Variants in ATP9B observed in about 807,000 individuals in gnomAD.
ATP9B encodes probable phospholipid-transporting ATPase IIB.
A neutral mutation model predicts 146.1 loss-of-function variants in ATP9B; 110 were observed. The observed-to-expected ratio is 0.75, with a 90% CI of 0.65 to 0.88. The LOEUF (loss-of-function observed/expected upper bound fraction) is 0.88, where lower values mean the gene tolerates loss of function less well. ATP9B is among the 40% of genes least tolerant of loss of function. The probability of loss-of-function intolerance (pLI) is 0.00; values close to 1 mark genes in which losing one functional copy is unlikely to be tolerated. For missense variants in ATP9B, 1,499 were observed against 1,496.4 expected, an observed-to-expected ratio of 1.00 and a Z score of -0.03; for synonymous variants, 604 against 569.7, an observed-to-expected ratio of 1.06 and a Z score of -0.86.
At chr18:79,075,055 T>C (rs1384179211) in intron 1 of ATP9B, among the ~76,000 whole-genome samples, 2 of 152,078 alleles carry the variant, frequency 1.3e-5, no homozygotes, top group Non-Finnish European at 2.9e-5. Context: ...TCATCTTCCC[T>C]TGTGACTTTG....
At chr18:79,284,436 A>G (rs1169622389) in intron 13 of ATP9B, among the ~76,000 whole-genome samples, 1 of 152,180 alleles carries the variant, frequency 6.6e-6, no homozygotes, top group Non-Finnish European at 1.5e-5. Context: ...AGAAAGCCTG[A>G]TTTGCAGAGA....
intron 13 of ATP9B, among the ~76,000 whole-genome samples, chr18:79,290,311 T>C (rs955126402): frequency 2.6e-4 from 39 of 152,324 alleles, no homozygotes; most frequent in Admixed American, 7.2e-4. Context: ...TAAGCAAGCC[T>C]GGGCAATGGC....
In ATP9B at chr18:79,267,871, T is replaced by C. The variant is rs539858022; in HGVS notation, c.1269-9183T>C. ...CATCTGTGTGATCAGATCTAGATTC[T>C]TAATCTTGTTTTTCAGTTTCTGTCT... On this transcript the variant is annotated intron_variant, in intron 12 of 29. Transcript: ENST00000426216. Among the ~76,000 whole-genome samples, 7 of 152,246 alleles carry C rather than the reference T, an allele frequency of 4.6e-5. 1 individual carries two copies. The highest frequency in any genetic ancestry group is 1.7e-4 in the African/African-American group (7 of 41,582).
chr18:79,134,369 G>A (rs1331917789), intron 5 of ATP9B, among the ~76,000 whole-genome samples: 1 of 152,124 alleles, frequency 6.6e-6, no homozygotes, highest in Non-Finnish European at 1.5e-5. Context: ...CATGGCACCT[G>A]TACCTCCCTG....
rs893383638 is a variant in ATP9B at position 79,336,513 on chromosome 18, G to A, written c.2029-115G>A. On this transcript the variant is annotated intron_variant, in intron 17 of 29. Transcript: ENST00000426216. ...GTCTCTGGCCTTGGTGATGAAGGTG[G>A]GCACAGGACATGAGGGCAGGGCACC... is the stretch of plus-strand genomic sequence containing the variant. 19 of 855,118 alleles carry A rather than the reference G, an allele frequency of 2.2e-5. 1 individual carries two copies. Among genetic ancestry groups the A allele is most frequent in the Admixed American group, 1.3e-4 (6 of 45,538 alleles). The allele number at this position is 855,118 out of a possible 1,614,324, so 53.0% of individuals were successfully genotyped here. A position where few individuals can be genotyped will look rare whatever the true frequency, so the allele number is the denominator to read the frequency against.
intron 12 of ATP9B, among the ~76,000 whole-genome samples, chr18:79,266,514 A>G (rs950864064): frequency 6.6e-6 from 1 of 152,090 alleles, no homozygotes; most frequent in Non-Finnish European, 1.5e-5. Flanking sequence ...TATAATAAAC[A>G]TTCTTCTTTT....
chr18:79,220,160 G>T (rs1205262930), intron 11 of ATP9B, among the ~76,000 whole-genome samples: 3 of 152,214 alleles, frequency 2.0e-5, no homozygotes, highest in African/African-American at 7.2e-5. Flanking sequence ...TGGACAAGGA[G>T]TTTTGGAAGC....
intron 11 of ATP9B, among the ~76,000 whole-genome samples, chr18:79,224,114 C>T (rs745966243): frequency 2.0e-5 from 3 of 152,160 alleles, no homozygotes; most frequent in East Asian, 1.9e-4. Flanking sequence ...CATTTCTAAG[C>T]GGTATAGCTA....
chr18:79,291,774 C>T lies in ATP9B; in HGVS notation c.1412-11830C>T, dbSNP rs562493494. On this transcript the variant is annotated intron_variant, in intron 13 of 29. Coordinates refer to ENST00000426216, the MANE Select transcript of ATP9B (RefSeq NM_198531.5). ...AACGGAAACATTTTAGAAGATACCA[C>T]GCATTTGTTTAATTCAAATGGTCAA... Among the ~76,000 whole-genome samples, 253 of 152,320 alleles carry T rather than the reference C, an allele frequency of 1.7e-3. 4 individuals are homozygous for T. Among genetic ancestry groups the T allele is most frequent in the African/African-American group, 5.7e-3 (237 of 41,562 alleles).
At chr18:79,103,274 T>TG (rs1568180427) in intron 2 of ATP9B, among the ~76,000 whole-genome samples, 7 of 146,444 alleles carry the variant, frequency 4.8e-5, no homozygotes, top group African/African-American at 1.1e-4. Flanking sequence ...GTAGTTTTTT[T>TG]TTTTTTTTTT....
At chr18:79,178,537 G>A (rs989253029) in intron 8 of ATP9B, among the ~76,000 whole-genome samples, 19 of 152,122 alleles carry the variant, frequency 1.2e-4, no homozygotes, top group African/African-American at 4.6e-4. Context: ...GGGTGAGGAA[G>A]TTCTTTCTAG....
chr18:79,091,643 T>C (rs2074322904), intron 1 of ATP9B, among the ~76,000 whole-genome samples: 1 of 152,244 alleles, frequency 6.6e-6, no homozygotes, highest in African/African-American at 2.4e-5. Flanking sequence ...ATCCTGCAAC[T>C]ACTGAATTGA....
intron 7 of ATP9B, among the ~76,000 whole-genome samples, chr18:79,175,643 A>G (rs1381278899): frequency 6.6e-6 from 1 of 152,244 alleles, no homozygotes; most frequent in Non-Finnish European, 1.5e-5. Flanking sequence ...ACACACCAAT[A>G]TGCACACACA....
intron 1 of ATP9B, among the ~76,000 whole-genome samples, chr18:79,073,137 T>C (rs1180510065): frequency 7.2e-6 from 1 of 138,652 alleles, no homozygotes; most frequent in Non-Finnish European, 1.6e-5. Context: ...CGCTTCTCAC[T>C]TCCCAGACTG....
At chr18:79,141,064 A>G (rs1171805045) in intron 5 of ATP9B, among the ~76,000 whole-genome samples, 2 of 152,086 alleles carry the variant, frequency 1.3e-5, no homozygotes, top group Non-Finnish European at 2.9e-5. Context: ...CCCAAATCTC[A>G]TCTTGAATTG....
chr18:79,105,752 T>C (rs1427530998), intron 2 of ATP9B, among the ~76,000 whole-genome samples: 1 of 152,150 alleles, frequency 6.6e-6, no homozygotes, highest in Non-Finnish European at 1.5e-5. Context: ...GGCATTTCCA[T>C]AAGAGGGGAG....
chr18:79,173,691 T>A (rs1472395915), intron 7 of ATP9B: 1 of 455,938 alleles, frequency 2.2e-6, no homozygotes. Flanking sequence ...GTGTTTCTGT[T>A]CCTTCTTCAG....
intron 21 of ATP9B, 121 bp downstream of exon 21, chr18:79,344,475 T>G (rs1252634339): frequency 4.7e-6 from 4 of 842,330 alleles, no homozygotes. Context: ...CATGTCTGTC[T>G]GTCTGTCTGT....
chr18:79,070,218 C>T (rs974303305), intron 1 of ATP9B, among the ~76,000 whole-genome samples: 4 of 152,154 alleles, frequency 2.6e-5, no homozygotes, highest in African/African-American at 9.7e-5. Context: ...AGTGTTGCTT[C>T]TTATAGTTTT....
Sources: allele counts gnomAD v4.1 joint callset (sites outside exome capture counted in the v4.1 genomes callset), GRCh38; gene constraint gnomAD v4.1.1; transcripts MANE v1.5; gene names NCBI Gene and HGNC (gene_info 2026-07-23, HGNC 2026-07-21).